Variants in ATRNL1 observed in about 807,000 individuals in gnomAD.
ATRNL1 encodes the protein attractin like 1, also known as attractin-like protein 1.
A neutral mutation model predicts 182.7 loss-of-function variants in ATRNL1; 95 were observed. The ratio of observed to expected loss-of-function variants is 0.52; its 90% confidence interval spans 0.44 to 0.62. The LOEUF is 0.62. Ranked by LOEUF, ATRNL1 falls within the 20% of genes least tolerant of loss-of-function variation. The pLI, the probability that ATRNL1 is intolerant of heterozygous loss-of-function variation, is 0.00. For missense variants in ATRNL1, 1,471 were observed against 1,679.5 expected, an observed-to-expected ratio of 0.88 and a Z score of 2.17; for synonymous variants, 576 against 568.3, an observed-to-expected ratio of 1.01 and a Z score of -0.19.
At chr10:115,873,875 C>A (rs1589633142) in intron 28 of ATRNL1, among the ~76,000 whole-genome samples, 1 of 152,122 alleles carries the variant, frequency 6.6e-6, no homozygotes, top group African/African-American at 2.4e-5. Context: ...ATTGAGAATT[C>A]TCTAAGAAGG....
chr10:115,511,436 G>A (rs1457778633), intron 24 of ATRNL1, among the ~76,000 whole-genome samples: 1 of 151,754 alleles, frequency 6.6e-6, no homozygotes, highest in African/African-American at 2.4e-5. Flanking sequence ...ATAGTGGTTT[G>A]CAAGACCCTC....
intron 13 of ATRNL1, among the ~76,000 whole-genome samples, chr10:115,270,845 C>G (rs1409199247): frequency 6.6e-6 from 1 of 152,076 alleles, no homozygotes; most frequent in Non-Finnish European, 1.5e-5. Flanking sequence ...AAAGTTGACA[C>G]ATAAAATTAA....
chr10:115,626,466 G>A (rs1435649372), intron 26 of ATRNL1, among the ~76,000 whole-genome samples: 2 of 152,072 alleles, frequency 1.3e-5, no homozygotes, highest in African/African-American at 2.4e-5. Flanking sequence ...CTTTTGTAAT[G>A]TTTCAATATG....
intron 26 of ATRNL1, among the ~76,000 whole-genome samples, chr10:115,652,521 G>A (rs1333750226): frequency 3.3e-5 from 5 of 151,894 alleles, no homozygotes; most frequent in Non-Finnish European, 5.9e-5. Context: ...GAACATTAAC[G>A]GATGGCTTAA....
chr10:115,336,533 T>G (rs544917153), intron 19 of ATRNL1, among the ~76,000 whole-genome samples: 1 of 152,190 alleles, frequency 6.6e-6, no homozygotes, highest in Non-Finnish European at 1.5e-5. Flanking sequence ...ATTGCATAAT[T>G]TGAAGAAAAA....
intron 28 of ATRNL1, among the ~76,000 whole-genome samples, chr10:115,937,686 T>C (rs1291636530): frequency 2.0e-5 from 3 of 152,190 alleles, no homozygotes; most frequent in Non-Finnish European, 4.4e-5. Context: ...CTTTGATCAG[T>C]AGTATGTAGC....
intron 21 of ATRNL1, among the ~76,000 whole-genome samples, chr10:115,446,643 A>G (rs1554966753): frequency 6.6e-6 from 1 of 151,958 alleles, no homozygotes; most frequent in South Asian, 2.1e-4. Context: ...AATGTTTACT[A>G]CTTTTCCTAT....
chr10:115,903,844 A>G (rs1952425761), intron 28 of ATRNL1, among the ~76,000 whole-genome samples: 1 of 152,234 alleles, frequency 6.6e-6, no homozygotes, highest in Admixed American at 6.5e-5. Context: ...AGGAGATCCC[A>G]TAAGCATTTC....
rs1554862045 is a variant in ATRNL1, at chr10:115,093,499, C to T, written c.-252C>T. Reference sequence around the variant, plus strand: ...TCCGGCCGGGTCCGGGACGCCGCGGCTGTGGGGTCGGCCCGCTAAGGACAA... The same window carrying T: ...TCCGGCCGGGTCCGGGACGCCGCGGTTGTGGGGTCGGCCCGCTAAGGACAA... On this transcript the variant is annotated 5_prime_UTR_variant, in exon 1 of 29. Transcript: ENST00000355044. The surrounding 1 kb of genome is among the most constrained non-coding windows in gnomAD (Gnocchi z 6.1). 2 of 644,938 alleles carry T rather than the reference C, an allele frequency of 3.1e-6. No homozygotes were observed. Among genetic ancestry groups the T allele is most frequent in the African/African-American group, 1.9e-5 (1 of 52,556 alleles). 40.0% of individuals were successfully genotyped at this position (644,938 alleles called of 1,614,324 possible). A position where few individuals can be genotyped will look rare whatever the true frequency, so the allele number is the denominator to read the frequency against.
At chr10:115,465,112 C>A (rs1196305520) in intron 22 of ATRNL1, among the ~76,000 whole-genome samples, 1 of 151,546 alleles carries the variant, frequency 6.6e-6, no homozygotes, top group Non-Finnish European at 1.5e-5. Flanking sequence ...AGTAATTTCC[C>A]CCTAATCAAT....
At chr10:115,367,517 C>G (rs1403756804) in intron 19 of ATRNL1, among the ~76,000 whole-genome samples, 13 of 151,896 alleles carry the variant, frequency 8.6e-5, no homozygotes, top group African/African-American at 3.1e-4. Flanking sequence ...CTTCTCTCAG[C>G]TCGTCAAAGT....
chr10:115,753,076 C>T (rs1306822979), intron 27 of ATRNL1, among the ~76,000 whole-genome samples: 2 of 151,898 alleles, frequency 1.3e-5, no homozygotes, highest in Admixed American at 1.3e-4. Context: ...ATAATAATAC[C>T]TGTGTTCAGT....
chr10:115,516,343 C>G (rs918747472), intron 24 of ATRNL1, among the ~76,000 whole-genome samples: 4 of 151,796 alleles, frequency 2.6e-5, no homozygotes, highest in African/African-American at 9.7e-5. Flanking sequence ...ATTCACCTGT[C>G]AAATCTAATC....
Position 115,886,383 on chromosome 10 carries a change from G to T in ATRNL1, c.4018+38392G>T, listed in dbSNP as rs973809111. 2.0e-5 allele frequency among the ~76,000 whole-genome samples: 3 copies of T among 152,222 alleles called. No individual in the cohort carries two copies. In the East Asian group the frequency reaches 5.8e-4, roughly 29 times the overall value. ...TACAAAATTAGCCGGGTGTGGTGGC[G>T]CATGCCTGTAATCCCAGCTACTCGG... On this transcript the variant is annotated intron_variant, in intron 28 of 28. Transcript: ENST00000355044.
intron 1 of ATRNL1, among the ~76,000 whole-genome samples, chr10:115,100,393 A>G (rs12267097): frequency 0.025 from 3,795 of 151,770 alleles, 157 homozygotes; most frequent in African/African-American, 0.086. Flanking sequence ...GTAATTTTAG[A>G]TTTTACATTT....
chr10:115,929,865 TG>T (rs1241460272), intron 28 of ATRNL1, among the ~76,000 whole-genome samples: 1 of 152,128 alleles, frequency 6.6e-6, no homozygotes, highest in African/African-American at 2.4e-5. Context: ...TATATAAACA[TG>T]TTTTTTTCTA....
chr10:115,941,561 G>A (rs782503397), intron 28 of ATRNL1, among the ~76,000 whole-genome samples: 1 of 152,188 alleles, frequency 6.6e-6, no homozygotes, highest in Non-Finnish European at 1.5e-5. Flanking sequence ...GTAGTTTAAT[G>A]AATAACATGA....
At chr10:115,755,707 T>A (rs1555071809) in intron 27 of ATRNL1, among the ~76,000 whole-genome samples, 1 of 152,148 alleles carries the variant, frequency 6.6e-6, no homozygotes, top group African/African-American at 2.4e-5. Flanking sequence ...GAGGATTCCC[T>A]TTTTTTCTAT....
chr10:115,818,349 C>G (rs1950216301), intron 27 of ATRNL1, among the ~76,000 whole-genome samples: 1 of 152,102 alleles, frequency 6.6e-6, no homozygotes, highest in Non-Finnish European at 1.5e-5. Flanking sequence ...TGTCCCTAAA[C>G]TACTTTCAGG....
Sources: allele counts gnomAD v4.1 joint callset (sites outside exome capture counted in the v4.1 genomes callset), GRCh38; gene constraint gnomAD v4.1.1; non-coding constraint Gnocchi (gnomAD v3.1); transcripts MANE v1.5; gene names NCBI Gene and HGNC (gene_info 2026-07-23, HGNC 2026-07-21).